Variants in PARP15 observed in about 807,000 individuals in gnomAD.
The protein encoded by PARP15 is protein mono-ADP-ribosyltransferase PARP15.
Under a neutral mutation model 62.1 loss-of-function variants are expected in PARP15, and 50 were observed. The observed-to-expected ratio is 0.81, with a 90% CI of 0.64 to 1.02. The LOEUF (loss-of-function observed/expected upper bound fraction) is 1.02, where lower values mean the gene tolerates loss of function less well. PARP15 is among the 50% of genes least tolerant of loss of function. The pLI is 0.00. For missense variants in PARP15, 820 were observed against 826.5 expected (o/e 0.99, Z 0.10); for synonymous variants, 309 against 293.1 (o/e 1.05, Z -0.55).
chr3:122,624,882 G>A (rs560975945), intron 8 of PARP15, among the ~76,000 whole-genome samples: 16 of 152,030 alleles, frequency 1.1e-4, no homozygotes, highest in Non-Finnish European at 1.9e-4. Flanking sequence ...TCAAAACCTG[G>A]ATCCATCCTA....
At chr3:122,632,312 C>A in intron 10 of PARP15, 93 bp downstream of exon 10, 2 of 1,205,820 alleles carry the variant, frequency 1.7e-6, no homozygotes, top group Non-Finnish European at 2.3e-6. Context: ...TCCTTTGTAC[C>A]TTACTATGTT....
In PARP15 at chr3:122,621,398, C is replaced by T. The variant is rs1936328277; in HGVS notation, c.1064-46C>T. ...TTCTCAAAAATCAAAGTGTTGCCTC[C>T]AGTAATTAATGGGCTGCATGTTTGT... On this transcript the variant is annotated intron_variant, in intron 7 of 11. Coordinates refer to ENST00000464300, the MANE Select transcript of PARP15 (RefSeq NM_001113523.3). 6 of 1,540,296 alleles carry T rather than the reference C, an allele frequency of 3.9e-6. No individual in the cohort carries two copies. In the East Asian group the frequency reaches 1.2e-4, roughly 30 times the overall value.
At chr3:122,593,461 G>C (rs1028156525) in intron 1 of PARP15, among the ~76,000 whole-genome samples, 1 of 151,968 alleles carries the variant, frequency 6.6e-6, no homozygotes, top group African/African-American at 2.4e-5. Context: ...TTTTAAATAC[G>C]TTTTTATCTA....
intron 2 of PARP15, among the ~76,000 whole-genome samples, chr3:122,609,711 T>TA (rs34604043): frequency 0.22 from 30,574 of 139,818 alleles, 6,597 homozygotes; most frequent in African/African-American, 0.57. Flanking sequence ...AAAAAAAAAT[T>TA]AAAAAAAAAA....
chr3:122,577,712 G>A lies in PARP15; in HGVS notation c.45G>A (p.Gly15=). ...TTCCTGCCGCTGCTCTGAGTCCAGG[G>A]GCTCCGACCCCCAGAGAACTTATGC... ...GPLPAAALSP[G]APTPRELMHG... is the part of the protein sequence containing the mutation. The change falls in exon 1 of 12, where the codon GGG becomes GGA. Residue 15 remains glycine (G), a synonymous_variant. Transcript: ENST00000464300. 1 of 1,551,688 alleles carries A rather than the reference G, an allele frequency of 6.4e-7. No homozygotes were observed. Among genetic ancestry groups the A allele is most frequent in the Non-Finnish European group, 8.7e-7 (1 of 1,146,978 alleles).
chr3:122,593,084 T>TTATCTGTCTATCTATCTATC (rs1934052196), intron 1 of PARP15, among the ~76,000 whole-genome samples: 1 of 63,986 alleles, frequency 1.6e-5, no homozygotes, highest in Non-Finnish European at 3.4e-5. Context: ...AAAGATAAAA[T>TTATCTGTCTATCTATCTATC]TATCTGTCTA....
rs1328157077 is a variant in PARP15, at chr3:122,638,543, A to G, written c.*2443A>G. On this transcript the variant is annotated 3_prime_UTR_variant, in exon 12 of 12. Coordinates refer to ENST00000464300, the MANE Select transcript of PARP15 (RefSeq NM_001113523.3). ...TGTTGTTTTGATTTGCATTTCTCTG[A>G]TGGCCAGTGATGATGAGCATTTTTT... The G allele has an allele frequency of 1.3e-5, 2 of 152,136 alleles. No homozygotes were observed. Among genetic ancestry groups the G allele is most frequent in the African/African-American group, 2.4e-5 (1 of 41,414 alleles). The allele number at this position is 152,136 out of a possible 1,614,324, so 9.4% of individuals were successfully genotyped here.
chr3:122,624,676 G>C (rs542948758), intron 8 of PARP15, among the ~76,000 whole-genome samples: 1 of 152,034 alleles, frequency 6.6e-6, no homozygotes, highest in Admixed American at 6.6e-5. Flanking sequence ...CCACTTTGAC[G>C]TCTCATACTT....
chr3:122,617,060 T>C lies in PARP15; in HGVS notation c.896T>C (p.Met299Thr). ...VSKPCFTAYEMKIGAITFQVA... is the reference protein window; with the variant it reads ...VSKPCFTAYETKIGAITFQVA... ...AAGCCTTGTTTCACAGCATATGAAA[T>C]GAAAATCGGTGCAATTACTTTTCAG... The change falls in exon 6 of 12, where the codon ATG becomes ACG. Residue 299 changes from methionine to threonine, a missense_variant. This residue lies in a region of PARP15 where 731 missense variants were observed against 727.7 expected (regional missense o/e 1.00). Transcript: ENST00000464300. The C allele has an allele frequency of 1.2e-6, 2 of 1,614,138 alleles. No homozygotes were observed. The highest frequency in any genetic ancestry group is 1.6e-4 in the Middle Eastern group (1 of 6,062).
At chr3:122,607,533 A>G (rs1330537794) in intron 2 of PARP15, among the ~76,000 whole-genome samples, 1 of 152,258 alleles carries the variant, frequency 6.6e-6, no homozygotes, top group Non-Finnish European at 1.5e-5. Flanking sequence ...AGGACTCAAA[A>G]AAATGATAGC....
chr3:122,614,627 T>C (rs138271897), intron 4 of PARP15, among the ~76,000 whole-genome samples: 1 of 152,354 alleles, frequency 6.6e-6, no homozygotes, highest in East Asian at 1.9e-4. Flanking sequence ...AAACTGTTCG[T>C]GATATCTGTG....
In PARP15 at chr3:122,613,161, C is replaced by T. The variant is rs776000343; in HGVS notation, c.664C>T (p.Leu222=). 1 of 1,551,616 alleles carries T rather than the reference C, an allele frequency of 6.4e-7. No homozygotes were observed. Among genetic ancestry groups the T allele is most frequent in the African/African-American group, 1.4e-5 (1 of 73,044 alleles). The part of the protein sequence containing the change: ...LQFPKAVFAK[L]ILSEVFEYSS... ...GTTTCCCAAAGCTGTTTTTGCTAAACTAATCCTTTCAGAAGTGTTCGAATA... is the reference window on the plus strand; with the variant it reads ...GTTTCCCAAAGCTGTTTTTGCTAAATTAATCCTTTCAGAAGTGTTCGAATA... Residue 222 remains leucine, a synonymous_variant, in exon 4 of 12, where the codon CTA becomes TTA. Coordinates refer to ENST00000464300, the MANE Select transcript of PARP15 (RefSeq NM_001113523.3).
chr3:122,613,015 A>G, intron 3 of PARP15, 26 bp from the exon 4 acceptor site: 1 of 1,525,488 alleles, frequency 6.6e-7, no homozygotes, highest in Non-Finnish European at 8.9e-7. Context: ...GCCCTAACTT[A>G]TGTAAATGTA....
At chr3:122,592,431 G>C (rs1358948268) in intron 1 of PARP15, among the ~76,000 whole-genome samples, 1 of 152,044 alleles carries the variant, frequency 6.6e-6, no homozygotes, top group East Asian at 1.9e-4. Flanking sequence ...ACACACTGGG[G>C]CCTGTCTGGG....
chr3:122,627,199 T>G (rs1048645135), intron 9 of PARP15, among the ~76,000 whole-genome samples, 166 bp downstream of exon 9: 1 of 152,186 alleles, frequency 6.6e-6, no homozygotes, highest in Non-Finnish European at 1.5e-5. Flanking sequence ...GAATGCAACC[T>G]CCTGTCAACT....
At chr3:122,592,099 C>A (rs2107477653) in intron 1 of PARP15, among the ~76,000 whole-genome samples, 1 of 152,196 alleles carries the variant, frequency 6.6e-6, no homozygotes, top group East Asian at 1.9e-4. Flanking sequence ...GGTATGTATC[C>A]AAAGGAATAT....
chr3:122,601,036 GTTT>G (rs771581231), intron 1 of PARP15, among the ~76,000 whole-genome samples: 1 of 73,036 alleles, frequency 1.4e-5, no homozygotes, highest in African/African-American at 8.2e-5. Flanking sequence ...GTCTTTTATG[GTTT>G]TTTTTTTTTT....
intron 4 of PARP15, chr3:122,615,578 A>G (rs1225578995): frequency 1.4e-5 from 18 of 1,254,244 alleles, no homozygotes; most frequent in Non-Finnish European, 1.9e-5. Context: ...TTTACTCACA[A>G]AGTAAAGCAA....
At chr3:122,634,912 C>A (rs947958062) in intron 10 of PARP15, 108 bp from the exon 11 acceptor site, 14 of 1,137,442 alleles carry the variant, frequency 1.2e-5, no homozygotes, top group Non-Finnish European at 1.6e-5. Flanking sequence ...TCACCAAATT[C>A]TCTTCCTCTT....
Sources: gnomAD v4.1 joint callset for allele counts (sites outside exome capture counted in the v4.1 genomes callset) on GRCh38, gnomAD v4.1.1 for gene constraint, gnomAD v4.1.1 regional missense constraint, MANE v1.5 for transcripts, NCBI Gene and HGNC (gene_info 2026-07-23, HGNC 2026-07-21) for gene names.